Variants in MSRB3 observed in about 807,000 individuals in gnomAD.
MSRB3 encodes methionine-R-sulfoxide reductase B3.
A neutral mutation model predicts 21.0 loss-of-function variants in MSRB3; 13 were observed. The ratio of observed to expected loss-of-function variants is 0.62; its 90% CI spans 0.40 to 0.98. The LOEUF is 0.98. Among genes scored for constraint, MSRB3 ranks in the 50% least tolerant of loss-of-function variants. The pLI is 0.00. For synonymous variants in MSRB3, 87 were observed against 88.6 expected (o/e 0.98, Z 0.10); for missense variants, 199 against 230.3 (o/e 0.86, Z 0.88).
intron 6 of MSRB3, among the ~76,000 whole-genome samples, chr12:65,462,474 A>C (rs1273072288): frequency 6.6e-6 from 1 of 152,222 alleles, no homozygotes; most frequent in Non-Finnish European, 1.5e-5. Context: ...GATTTTAGCT[A>C]AACAGCTTAT....
chr12:65,361,714 A>G (rs1877717577), intron 4 of MSRB3, among the ~76,000 whole-genome samples: 1 of 152,136 alleles, frequency 6.6e-6, no homozygotes, highest in Non-Finnish European at 1.5e-5. Flanking sequence ...ATATATCTTA[A>G]CCAAACAACC....
intron 2 of MSRB3, chr12:65,309,120 AAAAG>A (rs1218311860): frequency 3.9e-5 from 7 of 180,882 alleles, no homozygotes; most frequent in African/African-American, 4.7e-5. Context: ...ATTGTAGTTA[AAAAG>A]AAAGAAAGTT....
intron 5 of MSRB3, among the ~76,000 whole-genome samples, chr12:65,428,010 A>C (rs1881689720): frequency 1.3e-5 from 2 of 152,184 alleles, no homozygotes; most frequent in African/African-American, 2.4e-5. Context: ...GAGTTGAGGC[A>C]CTTAGGGGAT....
intron 4 of MSRB3, among the ~76,000 whole-genome samples, chr12:65,353,981 A>G (rs535628628): frequency 3.9e-5 from 6 of 151,910 alleles, no homozygotes; most frequent in Middle Eastern, 3.4e-3. Context: ...TCCTTCACTT[A>G]TGAAGCTTAG....
intron 2 of MSRB3, among the ~76,000 whole-genome samples, chr12:65,319,988 A>G (rs549191281): frequency 3.5e-4 from 53 of 152,266 alleles, no homozygotes; most frequent in African/African-American, 1.1e-3. Context: ...TTATCATTCA[A>G]CTATGCAGCA....
chr12:65,331,057 C>T (rs1875382467), intron 4 of MSRB3, among the ~76,000 whole-genome samples: 1 of 152,116 alleles, frequency 6.6e-6, no homozygotes, highest in African/African-American at 2.4e-5. Context: ...GCTCAGTGAT[C>T]TAAATATGTA....
intron 5 of MSRB3, among the ~76,000 whole-genome samples, chr12:65,437,318 G>A (rs1296813217): frequency 1.3e-5 from 2 of 151,878 alleles, no homozygotes; most frequent in East Asian, 1.9e-4. Context: ...TCTTGCTCCC[G>A]GAGACTAAGA....
intron 4 of MSRB3, among the ~76,000 whole-genome samples, chr12:65,352,447 T>C (rs770600792): frequency 0.039 from 5,837 of 150,240 alleles, 370 homozygotes; most frequent in African/African-American, 0.14. Context: ...CAACATAGTG[T>C]TGGAAGTTCT....
chr12:65,351,015 T>C (rs1876944797), intron 4 of MSRB3, among the ~76,000 whole-genome samples: 1 of 151,614 alleles, frequency 6.6e-6, no homozygotes, highest in Non-Finnish European at 1.5e-5. Context: ...ATACATTTTT[T>C]TCAGCACCAC....
At chr12:65,340,742 A>C (rs1876082648) in intron 4 of MSRB3, among the ~76,000 whole-genome samples, 1 of 152,156 alleles carries the variant, frequency 6.6e-6, no homozygotes, top group Non-Finnish European at 1.5e-5. Flanking sequence ...TAGAAATGAG[A>C]ATAAGATAAA....
intron 1 of MSRB3, among the ~76,000 whole-genome samples, chr12:65,296,833 G>C (rs1872995717): frequency 6.6e-6 from 1 of 152,188 alleles, no homozygotes; most frequent in Non-Finnish European, 1.5e-5. Flanking sequence ...CAATAATAGA[G>C]ATCCTGAAGT....
At chr12:65,393,426 G>A (rs1879590807) in intron 5 of MSRB3, among the ~76,000 whole-genome samples, 1 of 152,116 alleles carries the variant, frequency 6.6e-6, no homozygotes, top group Non-Finnish European at 1.5e-5. Flanking sequence ...GAGGTCAGGG[G>A]ATCAAGACCA....
At chr12:65,327,340 G>C (rs753013484) in intron 3 of MSRB3, among the ~76,000 whole-genome samples, 32 of 152,232 alleles carry the variant, frequency 2.1e-4, no homozygotes, top group Non-Finnish European at 4.1e-4. Flanking sequence ...GCTGCAAAAA[G>C]AAGGTAGCAT....
chr12:65,365,287 A>G (rs1054552345), intron 4 of MSRB3, among the ~76,000 whole-genome samples: 3 of 152,126 alleles, frequency 2.0e-5, no homozygotes, highest in Non-Finnish European at 4.4e-5. Context: ...CTTCGTGTCA[A>G]TGCCACACCA....
intron 5 of MSRB3, among the ~76,000 whole-genome samples, chr12:65,371,556 T>C (rs553611916): frequency 6.0e-5 from 9 of 148,780 alleles, no homozygotes; most frequent in Non-Finnish European, 1.0e-4. Context: ...ACGGAAAGGA[T>C]TTCAAAGTTA....
chr12:65,411,361 A>C (rs556602658), intron 5 of MSRB3, among the ~76,000 whole-genome samples: 1 of 152,276 alleles, frequency 6.6e-6, no homozygotes, highest in Non-Finnish European at 1.5e-5. Flanking sequence ...TATGTTTTAC[A>C]TATCTGTCTA....
chr12:65,405,346 T>C (rs1463685579), intron 5 of MSRB3, among the ~76,000 whole-genome samples: 1 of 152,136 alleles, frequency 6.6e-6, no homozygotes, highest in Non-Finnish European at 1.5e-5. Flanking sequence ...GTTTACATAA[T>C]GTCCTCTAGG....
intron 2 of MSRB3, among the ~76,000 whole-genome samples, chr12:65,318,560 TA>T (rs1565830332): frequency 6.6e-6 from 1 of 152,096 alleles, no homozygotes; most frequent in Non-Finnish European, 1.5e-5. Context: ...AAAAAAAAAT[TA>T]AAAACAGGGA....
intron 1 of MSRB3, among the ~76,000 whole-genome samples, chr12:65,304,608 G>C (rs1873538925): frequency 6.6e-6 from 1 of 152,176 alleles, no homozygotes; most frequent in Non-Finnish European, 1.5e-5. Context: ...GTAGTTAATT[G>C]AATAAAAGGC....
Sources: allele counts gnomAD v4.1 joint callset (sites outside exome capture counted in the v4.1 genomes callset), GRCh38; gene constraint gnomAD v4.1.1; transcripts MANE v1.5; gene names NCBI Gene and HGNC (gene_info 2026-07-23, HGNC 2026-07-21).